ZNRF3: variants seen among roughly 807,000 people sequenced by gnomAD.
ZNRF3 encodes zinc and ring finger 3.
ZNRF3 carries 23 observed loss-of-function variants against 72.5 expected under a neutral mutation model. The ratio of observed to expected loss-of-function variants is 0.32; its 90% CI spans 0.23 to 0.45. The LOEUF (loss-of-function observed/expected upper bound fraction) is 0.45, where lower values mean the gene tolerates loss of function less well. ZNRF3 is among the 20% of genes least tolerant of loss of function. The probability of loss-of-function intolerance (pLI) is 1.00; values close to 1 mark genes in which losing one functional copy is unlikely to be tolerated. For synonymous variants in ZNRF3, 610 were observed against 545.3 expected (o/e 1.12, Z -1.65); for missense variants, 1,169 against 1,272.1 (o/e 0.92, Z 1.23).
intron 2 of ZNRF3, among the ~76,000 whole-genome samples, chr22:29,003,853 T>C (rs1445477067): frequency 6.6e-6 from 1 of 152,150 alleles, no homozygotes; most frequent in African/African-American, 2.4e-5. Context: ...GTGACTGAAT[T>C]ACATAAAGCT....
At chr22:28,981,644 C>T (rs542033411) in intron 1 of ZNRF3, among the ~76,000 whole-genome samples, 3 of 152,258 alleles carry the variant, frequency 2.0e-5, no homozygotes, top group African/African-American at 4.8e-5. Context: ...CTCTTGTGGG[C>T]CATGCGGGGA....
chr22:29,042,442 T>C, intron 2 of ZNRF3, 53 bp from the exon 3 acceptor site: 2 of 1,561,042 alleles, frequency 1.3e-6, no homozygotes, highest in African/African-American at 2.7e-5. Context: ...AGGCCAACTT[T>C]GAAAAGGTAA....
chr22:28,892,303 A>T (rs1219600915), intron 1 of ZNRF3, among the ~76,000 whole-genome samples: 4 of 152,160 alleles, frequency 2.6e-5, no homozygotes, highest in Admixed American at 2.0e-4. Flanking sequence ...ACAGCACACG[A>T]ACGGTTACCT....
intron 1 of ZNRF3, among the ~76,000 whole-genome samples, chr22:28,959,316 G>A (rs1433802919): frequency 6.6e-6 from 1 of 152,290 alleles, no homozygotes; most frequent in East Asian, 1.9e-4. Context: ...TAGCTGCTGC[G>A]CCTCCTCTCC....
At chr22:28,909,075 G>GTGTATTTTAGTAGAGACAGGGTTTCAGCA (rs2034267181) in intron 1 of ZNRF3, among the ~76,000 whole-genome samples, 1 of 151,098 alleles carries the variant, frequency 6.6e-6, no homozygotes, top group Non-Finnish European at 1.5e-5. Context: ...TTTTTTGTGT[G>GTGTATTTTAGTAGAGACAGGGTTTCAGCA]TGTGTATTTT....
intron 1 of ZNRF3, among the ~76,000 whole-genome samples, chr22:28,965,281 A>G (rs2035440357): frequency 6.6e-6 from 1 of 152,248 alleles, no homozygotes; most frequent in Admixed American, 6.5e-5. Flanking sequence ...CGACACAACT[A>G]CTAAAACAGA....
chr22:28,957,468 C>G (rs1255440622), intron 1 of ZNRF3, among the ~76,000 whole-genome samples: 2 of 152,116 alleles, frequency 1.3e-5, no homozygotes, highest in Admixed American at 1.3e-4. Flanking sequence ...GAGACAGAGT[C>G]TCGCCCTGTC....
intron 1 of ZNRF3, among the ~76,000 whole-genome samples, chr22:28,949,813 G>A (rs909090734): frequency 2.0e-5 from 3 of 152,254 alleles, no homozygotes; most frequent in Non-Finnish European, 4.4e-5. Flanking sequence ...TCAGTTACTC[G>A]TTTAAGTAAA....
intron 1 of ZNRF3, among the ~76,000 whole-genome samples, chr22:28,954,923 G>T (rs16986864): frequency 0.14 from 21,285 of 152,020 alleles, 2,080 homozygotes; most frequent in East Asian, 0.43. Context: ...GGCACTGTGG[G>T]ATAATATCTT....
intron 1 of ZNRF3, among the ~76,000 whole-genome samples, chr22:28,958,528 T>G (rs2035299727): frequency 1.3e-5 from 2 of 152,162 alleles, no homozygotes; most frequent in South Asian, 4.1e-4. Flanking sequence ...GAGCCCAGGT[T>G]CCTTATCATC....
rs971123359 is a variant in ZNRF3 at position 28,964,849 on chromosome 22, C to T, written c.301-22227C>T. On this transcript the variant is annotated intron_variant, in intron 1 of 8. Coordinates refer to ENST00000544604, the MANE Select transcript of ZNRF3 (RefSeq NM_001206998.2). ...TAATTTTTGGTATGAAGGACAAAGCCGTGGGGAGCTGGCACCTTTGGCTAC... is the reference window on the plus strand; with the variant it reads ...TAATTTTTGGTATGAAGGACAAAGCTGTGGGGAGCTGGCACCTTTGGCTAC... 9.2e-5 allele frequency among the ~76,000 whole-genome samples: 14 copies of T among 152,242 alleles called. 1 individual carries two copies. Among genetic ancestry groups the T allele is most frequent in the Admixed American group, 3.3e-4 (5 of 15,286 alleles).
chr22:28,937,169 CTTATA>C lies in ZNRF3; in HGVS notation c.301-49906_301-49902del, dbSNP rs1484424415. Among the ~76,000 whole-genome samples the C allele has an allele frequency of 1.6e-3, 201 of 128,392 alleles. 1 individual carries two copies. Among genetic ancestry groups the C allele is most frequent in the African/African-American group, 6.9e-3 (192 of 27,658 alleles). 84.2% of individuals were successfully genotyped at this position (128,392 alleles called of 152,430 possible). Reference sequence around the variant, plus strand: ...TAATCCGCTGCCAACCTACTTCTCTCTTATAATATATATATATATATATATATATA... The same window carrying C: ...TAATCCGCTGCCAACCTACTTCTCTCATATATATATATATATATATATATA... On this transcript the variant is annotated intron_variant, in intron 1 of 8. Coordinates refer to ENST00000544604, the MANE Select transcript of ZNRF3 (RefSeq NM_001206998.2).
intron 1 of ZNRF3, among the ~76,000 whole-genome samples, chr22:28,926,387 T>TA (rs2034601472): frequency 2.0e-5 from 3 of 152,106 alleles, no homozygotes; most frequent in Non-Finnish European, 4.4e-5. Flanking sequence ...CTCTCTATGT[T>TA]ACCTAGGCAG....
chr22:29,003,484 A>G (rs1023412817), intron 2 of ZNRF3, among the ~76,000 whole-genome samples: 4 of 149,716 alleles, frequency 2.7e-5, no homozygotes, highest in Admixed American at 1.3e-4. Flanking sequence ...ACTGCACTCC[A>G]GTCTGGGTGA....
intron 1 of ZNRF3, among the ~76,000 whole-genome samples, chr22:28,947,179 T>TC (rs887126965): frequency 1.3e-5 from 2 of 152,182 alleles, no homozygotes; most frequent in African/African-American, 4.8e-5. Context: ...AGAATTTTCT[T>TC]CCACTGATAA....
At chr22:28,929,497 G>T (rs1031940993) in intron 1 of ZNRF3, among the ~76,000 whole-genome samples, 2 of 152,176 alleles carry the variant, frequency 1.3e-5, no homozygotes, top group African/African-American at 4.8e-5. Flanking sequence ...GTTAGGGGCA[G>T]GGAGGGGCAA....
chr22:28,983,914 T>C (rs1198309487), intron 1 of ZNRF3, among the ~76,000 whole-genome samples: 1 of 151,966 alleles, frequency 6.6e-6, no homozygotes, highest in Non-Finnish European at 1.5e-5. Context: ...TTCTCAGTGT[T>C]ATTTACTTGT....
At chr22:28,961,247 C>T (rs1276992079) in intron 1 of ZNRF3, among the ~76,000 whole-genome samples, 1 of 152,204 alleles carries the variant, frequency 6.6e-6, no homozygotes, top group Non-Finnish European at 1.5e-5. Flanking sequence ...CCAAGGCCCC[C>T]CACCTCTTAA....
At chr22:28,986,034 C>T (rs183139189) in intron 1 of ZNRF3, among the ~76,000 whole-genome samples, 2 of 152,238 alleles carry the variant, frequency 1.3e-5, no homozygotes, top group Non-Finnish European at 2.9e-5. Context: ...CCATCTTTCT[C>T]ATGCTTCCCT....
Sources: gnomAD v4.1 joint callset for allele counts (sites outside exome capture counted in the v4.1 genomes callset) on GRCh38, gnomAD v4.1.1 for gene constraint, MANE v1.5 for transcripts, NCBI Gene and HGNC (gene_info 2026-07-23, HGNC 2026-07-21) for gene names.